CPNE4: variants seen among roughly 807,000 people sequenced by gnomAD.
CPNE4 encodes the protein copine 4.
A neutral mutation model predicts 67.9 loss-of-function variants in CPNE4; 25 were observed. The ratio of observed to expected loss-of-function variants is 0.37; its 90% CI spans 0.27 to 0.51. The LOEUF (loss-of-function observed/expected upper bound fraction) is 0.51. Ranked by LOEUF, CPNE4 falls within the 20% of genes least tolerant of loss-of-function variation. The pLI is 0.93. For synonymous variants in CPNE4, 242 were observed against 244.9 expected (o/e 0.99, Z 0.11); for missense variants, 464 against 690.8 (o/e 0.67, Z 3.68).
chr3:131,760,451 G>A (rs573360958), intron 2 of CPNE4, among the ~76,000 whole-genome samples: 1 of 151,538 alleles, frequency 6.6e-6, no homozygotes, highest in Admixed American at 6.6e-5. Context: ...TAATTTTTTG[G>A]AGGAAAAAAA....
At chr3:132,019,930 G>A (rs935116074) in intron 1 of CPNE4, among the ~76,000 whole-genome samples, 1 of 152,138 alleles carries the variant, frequency 6.6e-6, no homozygotes, top group Admixed American at 6.5e-5. Context: ...TGCTGGGAAA[G>A]GCCATTTAAA....
chr3:131,981,594 C>T (rs1049518673), intron 1 of CPNE4, among the ~76,000 whole-genome samples: 6 of 152,120 alleles, frequency 3.9e-5, no homozygotes, highest in African/African-American at 9.7e-5. Context: ...TGCCCTCCCC[C>T]GAGTTCTGGC....
At chr3:131,742,482 T>G (rs1334399464) in intron 2 of CPNE4, among the ~76,000 whole-genome samples, 1 of 152,186 alleles carries the variant, frequency 6.6e-6, no homozygotes, top group Non-Finnish European at 1.5e-5. Flanking sequence ...ATAGTAAGTC[T>G]TTTTGTGCAT....
rs369905722 is a variant in CPNE4 at position 131,550,442 on chromosome 3, T to C, written c.1169-362A>G. On this transcript the variant is annotated intron_variant, in intron 13 of 15. Transcript: ENST00000429747. ...GTTCAATGATCTGCCCTGGGTCACATAGCAAGTGTGTTCAAGACTCAGGAT... is the reference window on the plus strand; with the variant it reads ...GTTCAATGATCTGCCCTGGGTCACACAGCAAGTGTGTTCAAGACTCAGGAT... Among the ~76,000 whole-genome samples the C allele has an allele frequency of 7.2e-4, 109 of 152,224 alleles. 2 individuals carry two copies. Among genetic ancestry groups the C allele is most frequent in the African/African-American group, 2.3e-3 (97 of 41,564 alleles).
chr3:131,659,972 T>C (rs2080082098), intron 7 of CPNE4, among the ~76,000 whole-genome samples: 1 of 152,192 alleles, frequency 6.6e-6, no homozygotes, highest in South Asian at 2.1e-4. Flanking sequence ...TAATTTTTGT[T>C]GTGGTAAAAG....
intron 2 of CPNE4, among the ~76,000 whole-genome samples, chr3:131,750,688 G>A (rs2082604047): frequency 6.6e-6 from 1 of 152,082 alleles, no homozygotes; most frequent in African/African-American, 2.4e-5. Context: ...CAAACATAAT[G>A]CAGAATTCAG....
intron 1 of CPNE4, among the ~76,000 whole-genome samples, chr3:131,958,362 C>T (rs550018319): frequency 5.3e-5 from 8 of 152,230 alleles, no homozygotes; most frequent in African/African-American, 1.9e-4. Context: ...TCAGTGTGGT[C>T]CTTAAACCAG....
At chr3:131,914,156 A>G (rs1387330280) in intron 1 of CPNE4, among the ~76,000 whole-genome samples, 1 of 152,192 alleles carries the variant, frequency 6.6e-6, no homozygotes, top group Non-Finnish European at 1.5e-5. Flanking sequence ...AAGAAATTGC[A>G]TCCTAGAAAG....
At chr3:131,840,253 A>G (rs1313031593) in intron 2 of CPNE4, among the ~76,000 whole-genome samples, 1 of 152,156 alleles carries the variant, frequency 6.6e-6, no homozygotes, top group Non-Finnish European at 1.5e-5. Context: ...TTGGATCATT[A>G]TTAGTTTTTA....
rs79703060 is a variant in CPNE4, at chr3:131,586,506, T to C, written c.780+978A>G. Among the ~76,000 whole-genome samples, 1,033 of 152,192 alleles carry C rather than the reference T, an allele frequency of 6.8e-3. 13 individuals carry two copies. The highest frequency in any genetic ancestry group is 0.024 in the African/African-American group (989 of 41,540). On this transcript the variant is annotated intron_variant, in intron 8 of 15. Coordinates refer to ENST00000429747, the MANE Select transcript of CPNE4 (RefSeq NM_130808.3). ...CAACTGAAGGGCAAGGGAGCTGGGGTATTTATATCCCAACTTCCATTAGTT... is the reference window on the plus strand; with the variant it reads ...CAACTGAAGGGCAAGGGAGCTGGGGCATTTATATCCCAACTTCCATTAGTT...
intron 1 of CPNE4, among the ~76,000 whole-genome samples, chr3:131,969,693 T>G (rs1462969740): frequency 6.6e-6 from 1 of 152,146 alleles, no homozygotes; most frequent in Non-Finnish European, 1.5e-5. Context: ...GCTTTATAGA[T>G]TAAAGTGACT....
intron 1 of CPNE4, among the ~76,000 whole-genome samples, chr3:131,976,728 T>A (rs2072664957): frequency 6.6e-6 from 1 of 151,994 alleles, no homozygotes; most frequent in Non-Finnish European, 1.5e-5. Flanking sequence ...CTGAAAGGGA[T>A]AAACAGTTAA....
At chr3:131,554,564 C>G (rs1307309317) in intron 12 of CPNE4, among the ~76,000 whole-genome samples, 1 of 152,054 alleles carries the variant, frequency 6.6e-6, no homozygotes, top group East Asian at 1.9e-4. Flanking sequence ...GTCAGGGAGA[C>G]AAGCGATTCC....
At chr3:132,022,498 A>C (rs2074020077) in intron 1 of CPNE4, among the ~76,000 whole-genome samples, 1 of 152,062 alleles carries the variant, frequency 6.6e-6, no homozygotes, top group Non-Finnish European at 1.5e-5. Flanking sequence ...CCGTACAATC[A>C]CTGATGCTTG....
intron 7 of CPNE4, among the ~76,000 whole-genome samples, chr3:131,619,169 C>T (rs1423143865): frequency 2.0e-5 from 3 of 152,078 alleles, no homozygotes; most frequent in Non-Finnish European, 4.4e-5. Flanking sequence ...AGGAAAATCA[C>T]AAAGGACTGG....
At chr3:131,601,101 A>G (rs563369622) in intron 7 of CPNE4, among the ~76,000 whole-genome samples, 1 of 152,110 alleles carries the variant, frequency 6.6e-6, no homozygotes, top group African/African-American at 2.4e-5. Flanking sequence ...AAACAGCAGC[A>G]TTCTCGGGGT....
At chr3:131,554,593 G>T (rs1936362244) in intron 12 of CPNE4, among the ~76,000 whole-genome samples, 1 of 152,070 alleles carries the variant, frequency 6.6e-6, no homozygotes, top group Admixed American at 6.6e-5. Context: ...TTCACTCTAG[G>T]AGCAACAGGG....
chr3:131,836,862 T>C (rs2085577149), intron 2 of CPNE4, among the ~76,000 whole-genome samples: 2 of 152,078 alleles, frequency 1.3e-5, no homozygotes, highest in Admixed American at 6.6e-5. Context: ...ATATAAAGAA[T>C]TCTCTAAACT....
intron 2 of CPNE4, among the ~76,000 whole-genome samples, chr3:131,792,923 G>GTATATA (rs1404922942): frequency 3.9e-3 from 182 of 46,780 alleles, no homozygotes; most frequent in Middle Eastern, 0.031. Flanking sequence ...GTGTGTGTGT[G>GTATATA]TGTATCTCCA....
Sources: allele counts gnomAD v4.1 joint callset (sites outside exome capture counted in the v4.1 genomes callset), GRCh38; gene constraint gnomAD v4.1.1; transcripts MANE v1.5; gene names NCBI Gene and HGNC (gene_info 2026-07-23, HGNC 2026-07-21).